Variants in CEACAM21 observed in about 807,000 individuals in gnomAD.
CEACAM21 encodes the protein cell adhesion molecule CEACAM21.
In CEACAM21, 38 loss-of-function variants were observed where a neutral mutation model predicts 33.2. That is an observed-to-expected ratio of 1.14 (90% confidence interval 0.88 to 1.50). CEACAM21 has a LOEUF of 1.50. Ranked by LOEUF, CEACAM21 falls within the 40% of genes most tolerant of loss-of-function variation. The pLI, the probability that CEACAM21 is intolerant of heterozygous loss-of-function variation, is 0.00. For synonymous variants in CEACAM21, 156 were observed against 143.0 expected (o/e 1.09, Z -0.65); for missense variants, 385 against 364.6 (o/e 1.06, Z -0.46).
intron 1 of CEACAM21, among the ~76,000 whole-genome samples, chr19:41,576,928 A>G (rs1555791267): frequency 6.6e-6 from 1 of 152,150 alleles, no homozygotes; most frequent in African/African-American, 2.4e-5. Context: ...TTCACGAAAG[A>G]AGTCTCCCAG....
At chr19:41,578,031 A>G (rs140994369) in intron 2 of CEACAM21, among the ~76,000 whole-genome samples, 359 of 152,276 alleles carry the variant, frequency 2.4e-3, no homozygotes, top group African/African-American at 8.3e-3. Context: ...GATTGTGAGC[A>G]AGGATTTACC....
In CEACAM21 at chr19:41,577,554, T is replaced by C. The variant is rs782541060; in HGVS notation, c.419T>C (p.Val140Ala). Residue 140 changes from valine (V) to alanine (A), a missense_variant, in exon 2 of 7, where the codon GTA becomes GCA. Physicochemically the swap from Val to Ala is moderately conservative, Grantham distance 64. Coordinates refer to ENST00000401445, the MANE Select transcript of CEACAM21 (RefSeq NM_001098506.4). ...QIEQASHHLR[V>A]YESVAQPSIQ... Reference sequence around the variant, plus strand: ...GAACAGGCATCTCACCATCTCCGTGTATACGGTGAGTGATTCCTCCGTGCC... The same window carrying C: ...GAACAGGCATCTCACCATCTCCGTGCATACGGTGAGTGATTCCTCCGTGCC... The C allele has an allele frequency of 6.8e-6, 11 of 1,613,358 alleles. No individual in the cohort carries two copies. Among genetic ancestry groups the C allele is most frequent in the Middle Eastern group, 3.3e-4 (2 of 6,052 alleles).
At chr19:41,576,070 G>T (rs1240451342), upstream of CEACAM21, 4 of 609,498 alleles carry the variant, frequency 6.6e-6, no homozygotes, top group African/African-American at 1.9e-5. Context: ...GACAAGGGAG[G>T]CAGGACTGAG....
Position 41,585,878 on chromosome 19 carries a change from C to T in CEACAM21, c.*7C>T, listed in dbSNP as rs370704026. 1.1e-5 allele frequency: 18 copies of T among 1,612,700 alleles called. No homozygotes were observed. The African/African-American group carries it at 2.1e-4, about 19-fold the overall frequency. ...TGACAGCTCCATCTCCTAGGTAAGA[C>T]TGTCCGTTCCCAATCCCATTTCCAC... is the stretch of plus-strand genomic sequence containing the variant. On this transcript the variant is annotated splice_region_variant and intron_variant, in intron 6 of 6. Coordinates refer to ENST00000401445, the MANE Select transcript of CEACAM21 (RefSeq NM_001098506.4).
At chr19:41,583,198 A>G (rs1191972666) in intron 3 of CEACAM21, among the ~76,000 whole-genome samples, 1 of 152,058 alleles carries the variant, frequency 6.6e-6, no homozygotes, top group Non-Finnish European at 1.5e-5. Context: ...AATACCACCA[A>G]TCTCTTTTCT....
chr19:41,565,955 CT>C (rs1404022143), intron 2 of CEACAM21, among the ~76,000 whole-genome samples: 2 of 70,442 alleles, frequency 2.8e-5, no homozygotes, highest in Admixed American at 4.4e-4. Flanking sequence ...ATCTTTATTG[CT>C]TTTTGGGGGG....
intron 5 of CEACAM21, 104 bp from the exon 6 acceptor site, chr19:41,585,736 C>G: frequency 8.0e-7 from 1 of 1,254,328 alleles, no homozygotes; most frequent in Non-Finnish European, 1.1e-6. Context: ...CTGAGAAAGG[C>G]TCCCTCTCCC....
At chr19:41,586,155 T>G in intron 6 of CEACAM21, 12 of 582,278 alleles carry the variant, frequency 2.1e-5, no homozygotes, top group East Asian at 3.0e-5. Flanking sequence ...CCTGCCCAGA[T>G]TCCCCTACCC....
chr19:41,575,482 C>A (rs188066684), upstream of CEACAM21, among the ~76,000 whole-genome samples: 11 of 152,280 alleles, frequency 7.2e-5, no homozygotes, highest in Admixed American at 2.6e-4. Context: ...ACAGTTCAGG[C>A]AACTGCAGAT....
rs190758061 is a variant in CEACAM21 at position 41,583,020 on chromosome 19, T to G, written c.701-1327T>G. Among the ~76,000 whole-genome samples the G allele has an allele frequency of 3.9e-4, 59 of 152,374 alleles. 1 individual carries two copies. The highest frequency in any genetic ancestry group is 1.2e-3 in the African/African-American group (48 of 41,592). On this transcript the variant is annotated intron_variant, in intron 3 of 6. Coordinates refer to ENST00000401445, the MANE Select transcript of CEACAM21 (RefSeq NM_001098506.4). ...TTATGCTCTGCTTCCCTTTTAAACA[T>G]AAGTTCCAATTCCAAACCATACCTT...
intron 1 of CEACAM21, among the ~76,000 whole-genome samples, chr19:41,562,895 A>AT (rs1434182101): frequency 1.3e-5 from 2 of 151,848 alleles, no homozygotes; most frequent in East Asian, 1.9e-4. Flanking sequence ...CGCCCGGCTA[A>AT]TTTTTTGTAT....
intron 1 of CEACAM21, among the ~76,000 whole-genome samples, chr19:41,556,876 G>A (rs1174770309): frequency 6.6e-6 from 1 of 152,070 alleles, no homozygotes. Flanking sequence ...CCATGAAATC[G>A]TTACATATCT....
At chr19:41,574,839 T>A (rs2042831073), upstream of CEACAM21, among the ~76,000 whole-genome samples, 2 of 152,316 alleles carry the variant, frequency 1.3e-5, no homozygotes, top group South Asian at 2.1e-4. Context: ...TACTCCTATA[T>A]GTACCCCCAA....
At chr19:41,564,350 AT>A (rs2042112670) in intron 1 of CEACAM21, among the ~76,000 whole-genome samples, 1 of 147,912 alleles carries the variant, frequency 6.8e-6, no homozygotes, top group African/African-American at 2.5e-5. Flanking sequence ...TTATTTATTT[AT>A]TTATTTATTT....
At chr19:41,583,756 C>A (rs2070491098) in intron 3 of CEACAM21, among the ~76,000 whole-genome samples, 1 of 152,184 alleles carries the variant, frequency 6.6e-6, no homozygotes, top group Non-Finnish European at 1.5e-5. Flanking sequence ...CCCACAAGGT[C>A]CCTCCCATAA....
At chr19:41,584,872 G>C (rs2070606659) in intron 4 of CEACAM21, among the ~76,000 whole-genome samples, 1 of 152,192 alleles carries the variant, frequency 6.6e-6, no homozygotes, top group South Asian at 2.1e-4. Flanking sequence ...CCCTTTGACT[G>C]ACATGGTAAC....
chr19:41,560,932 A>G (rs2041845558), intron 1 of CEACAM21, among the ~76,000 whole-genome samples: 1 of 152,174 alleles, frequency 6.6e-6, no homozygotes, highest in South Asian at 2.1e-4. Context: ...GAGAAAAAAG[A>G]CCCCACAATA....
intron 2 of CEACAM21, chr19:41,565,140 T>C (rs1183765752): frequency 6.6e-6 from 1 of 152,452 alleles, no homozygotes; most frequent in Admixed American, 6.5e-5. Context: ...GACGATTCAC[T>C]AGAAGGGCCG....
chr19:41,561,242 A>C (rs2041864256), intron 1 of CEACAM21, among the ~76,000 whole-genome samples: 1 of 152,178 alleles, frequency 6.6e-6, no homozygotes, highest in African/African-American at 2.4e-5. Context: ...GACTCAAGCA[A>C]TCCATCTGCC....
Sources: gnomAD v4.1 joint callset for allele counts (sites outside exome capture counted in the v4.1 genomes callset) on GRCh38, gnomAD v4.1.1 for gene constraint, MANE v1.5 for transcripts, NCBI Gene and HGNC (gene_info 2026-07-23, HGNC 2026-07-21) for gene names.